Variants in TTC3 observed in about 807,000 individuals in gnomAD.
The protein encoded by TTC3 is E3 ubiquitin-protein ligase TTC3.
A neutral mutation model predicts 249.6 loss-of-function variants in TTC3; 180 were observed. The ratio of observed to expected loss-of-function variants is 0.72; its 90% CI spans 0.64 to 0.82. TTC3 has a LOEUF of 0.82. TTC3 is among the 40% of genes least tolerant of loss of function. The probability of loss-of-function intolerance (pLI) is 0.00; values close to 1 mark genes in which losing one functional copy is unlikely to be tolerated. For missense variants in TTC3, 2,061 were observed against 2,398.4 expected (o/e 0.86, Z 2.94); for synonymous variants, 717 against 805.0 (o/e 0.89, Z 1.85).
chr21:37,105,250 G>A (rs974627171), intron 10 of TTC3, among the ~76,000 whole-genome samples: 3 of 152,294 alleles, frequency 2.0e-5, no homozygotes, highest in South Asian at 2.1e-4. Flanking sequence ...GAGACAGCTA[G>A]CGTAGGCAGC....
chr21:37,102,856 G>A (rs1165580878), intron 10 of TTC3, among the ~76,000 whole-genome samples: 1 of 152,194 alleles, frequency 6.6e-6, no homozygotes, highest in Non-Finnish European at 1.5e-5. Context: ...AATTAGGTGG[G>A]CATGTTGGTG....
At chr21:37,082,799 C>A in intron 1 of TTC3, 1 of 977,886 alleles carries the variant, frequency 1.0e-6, no homozygotes, top group Non-Finnish European at 1.2e-6. Flanking sequence ...CTGATGGGAT[C>A]AGAAGCTCTT....
At chr21:37,163,513 G>A (rs894969244) in intron 31 of TTC3, among the ~76,000 whole-genome samples, 4 of 152,090 alleles carry the variant, frequency 2.6e-5, no homozygotes, top group Non-Finnish European at 4.4e-5. Context: ...ATGACGCCTG[G>A]CTAATTTTGT....
At chr21:37,152,079 G>C (rs1448297649) in intron 26 of TTC3, 50 bp downstream of exon 26, 1 of 1,467,162 alleles carries the variant, frequency 6.8e-7, no homozygotes, top group South Asian at 1.5e-5. Context: ...TCATTTAAAT[G>C]TATAAATGTA....
chr21:37,100,378 C>T (rs2074359596), intron 10 of TTC3, among the ~76,000 whole-genome samples: 1 of 151,998 alleles, frequency 6.6e-6, no homozygotes, highest in African/African-American at 2.4e-5. Flanking sequence ...AAACAGTGAC[C>T]ACTAAACATC....
chr21:37,108,460 G>A lies in TTC3; in HGVS notation c.900+14G>A, dbSNP rs1264171579. The A allele has an allele frequency of 6.2e-7, 1 of 1,610,902 alleles. No individual in the cohort carries two copies. Among genetic ancestry groups the A allele is most frequent in the African/African-American group, 1.3e-5 (1 of 74,760 alleles). On this transcript the variant is annotated intron_variant, in intron 11 of 45. Coordinates refer to ENST00000355666, the Ensembl canonical transcript of TTC3. ...ACTTGGCCAAAGGTAGGTTTCTTCT[G>A]TATTTTATATTGAGCAAATAATGCC... is the stretch of plus-strand genomic sequence containing the variant.
At chr21:37,167,751 A>T (rs1489226810) in intron 34 of TTC3, 131 bp downstream of exon 34, 1 of 514,428 alleles carries the variant, frequency 1.9e-6, no homozygotes, top group African/African-American at 2.0e-5. Context: ...GCTTGAGAAC[A>T]TAACAAAAAA....
intron 8 of TTC3, 47 bp from the exon 9 acceptor site, chr21:37,095,303 G>T (rs773346066): frequency 7.5e-7 from 1 of 1,330,778 alleles, no homozygotes; most frequent in South Asian, 1.3e-5. Context: ...GGTTCTTGAT[G>T]ATTTTTGGAG....
intron 11 of TTC3, among the ~76,000 whole-genome samples, chr21:37,114,645 C>G (rs948650586): frequency 3.3e-5 from 5 of 152,050 alleles, no homozygotes; most frequent in African/African-American, 1.2e-4. Context: ...GGATCTCGAA[C>G]TAGAAATACC....
chr21:37,185,196 G>A (rs1396350763), intron 36 of TTC3, among the ~76,000 whole-genome samples: 1 of 152,270 alleles, frequency 6.6e-6, no homozygotes, highest in Non-Finnish European at 1.5e-5. Context: ...GCCTTGTGCA[G>A]GGCATGGCTC....
chr21:37,139,796 C>T (rs540641881), intron 19 of TTC3, among the ~76,000 whole-genome samples: 8 of 141,082 alleles, frequency 5.7e-5, no homozygotes, highest in South Asian at 2.7e-4. Flanking sequence ...TGTAAAATAG[C>T]GAGACTGATT....
At chr21:37,177,050 C>T (rs532162293) in intron 35 of TTC3, among the ~76,000 whole-genome samples, 4 of 152,116 alleles carry the variant, frequency 2.6e-5, no homozygotes, top group South Asian at 2.1e-4. Context: ...TGCTTGGGCT[C>T]GGCTGGGTCA....
At chr21:37,157,095 C>A in intron 28 of TTC3, 189 bp downstream of exon 28, 1 of 1,364,802 alleles carries the variant, frequency 7.3e-7, no homozygotes, top group Non-Finnish European at 9.9e-7. Flanking sequence ...TTTACTTTAT[C>A]AGTTAAAGAG....
intron 11 of TTC3, among the ~76,000 whole-genome samples, chr21:37,117,533 T>C (rs1482793918): frequency 6.6e-6 from 1 of 152,208 alleles, no homozygotes; most frequent in Non-Finnish European, 1.5e-5. Flanking sequence ...CAAACCATGA[T>C]ACTGGTTTTC....
chr21:37,114,729 A>T (rs1481077473), intron 11 of TTC3, among the ~76,000 whole-genome samples: 2 of 152,148 alleles, frequency 1.3e-5, no homozygotes, highest in Non-Finnish European at 2.9e-5. Flanking sequence ...AGACACATGC[A>T]CACATATGTT....
At chr21:37,109,838 G>A (rs536956023) in intron 11 of TTC3, among the ~76,000 whole-genome samples, 32 of 152,272 alleles carry the variant, frequency 2.1e-4, no homozygotes, top group African/African-American at 6.7e-4. Flanking sequence ...CACCTCACAC[G>A]GCCGGGTACT....
intron 19 of TTC3, 139 bp from the exon 20 acceptor site, chr21:37,140,422 A>G: frequency 1.8e-6 from 1 of 550,522 alleles, no homozygotes; most frequent in Non-Finnish European, 3.1e-6. Flanking sequence ...AGTGAAACAC[A>G]GAGGTATAAT....
chr21:37,124,112 CTTTTTT>C lies in TTC3; in HGVS notation c.1110-489_1110-484del, dbSNP rs60916518. Among the ~76,000 whole-genome samples, 8 of 61,272 alleles carry C rather than the reference CTTTTTT, an allele frequency of 1.3e-4. 1 individual carries two copies. Among genetic ancestry groups the C allele is most frequent in the South Asian group, 7.1e-4 (1 of 1,402 alleles). The allele number at this position is 61,272 out of a possible 152,430, so 40.2% of individuals were successfully genotyped here. On this transcript the variant is annotated intron_variant, in intron 13 of 45. Coordinates refer to ENST00000355666, the Ensembl canonical transcript of TTC3. ...GCAGAATACTTCTTTTTGAACTGTT[CTTTTTT>C]TTTTTTTTTTTTTTTTTGAGACAGT...
intron 11 of TTC3, among the ~76,000 whole-genome samples, chr21:37,111,240 A>G (rs1417635320): frequency 6.6e-6 from 1 of 152,230 alleles, no homozygotes; most frequent in Admixed American, 6.5e-5. Context: ...AAATGCTCCA[A>G]TTAAAAGGCA....
Sources: allele counts gnomAD v4.1 joint callset (sites outside exome capture counted in the v4.1 genomes callset), GRCh38; gene constraint gnomAD v4.1.1; transcripts MANE v1.5; gene names NCBI Gene and HGNC (gene_info 2026-07-23, HGNC 2026-07-21).